THSD7B: variants seen among roughly 807,000 people sequenced by gnomAD.
THSD7B encodes thrombospondin type 1 domain containing 7B.
In THSD7B, 138 loss-of-function variants were observed where a neutral mutation model predicts 213.6. The observed-to-expected ratio is 0.65, with a 90% CI of 0.56 to 0.74. The LOEUF is 0.74. THSD7B is among the 30% of genes least tolerant of loss of function. THSD7B has a pLI of 0.00. For synonymous variants in THSD7B, 742 were observed against 687.0 expected, an observed-to-expected ratio of 1.08 and a Z score of -1.25; for missense variants, 1,931 against 1,991.5, an observed-to-expected ratio of 0.97 and a Z score of 0.58.
intron 2 of THSD7B, among the ~76,000 whole-genome samples, chr2:136,903,786 A>G (rs1684101425): frequency 6.6e-6 from 1 of 152,164 alleles, no homozygotes; most frequent in South Asian, 2.1e-4. Flanking sequence ...ACCAATTAGA[A>G]ATAAATAAGA....
chr2:137,634,088 C>A (rs1333989942), intron 20 of THSD7B, among the ~76,000 whole-genome samples: 1 of 152,016 alleles, frequency 6.6e-6, no homozygotes, highest in East Asian at 1.9e-4. Flanking sequence ...AGGGGGAAAA[C>A]CCTTGAAAGT....
chr2:137,173,865 A>G (rs1403331603), intron 7 of THSD7B, among the ~76,000 whole-genome samples: 3 of 152,184 alleles, frequency 2.0e-5, no homozygotes, highest in Non-Finnish European at 4.4e-5. Flanking sequence ...CCATAACTAC[A>G]GGAGTTGACA....
At chr2:137,667,711 T>C in intron 26 of THSD7B, 63 bp from the exon 27 acceptor site, 4 of 1,362,044 alleles carry the variant, frequency 2.9e-6, no homozygotes, top group Admixed American at 2.1e-5. Context: ...GATGTTGCCC[T>C]ATCTCTCAAA....
chr2:136,841,066 C>G (rs1024711890), intron 1 of THSD7B, among the ~76,000 whole-genome samples: 2 of 152,014 alleles, frequency 1.3e-5, no homozygotes, highest in African/African-American at 4.8e-5. Flanking sequence ...TTCATTACTC[C>G]TAGGCAATTC....
chr2:136,864,301 GA>G (rs895320761), intron 1 of THSD7B, among the ~76,000 whole-genome samples: 1 of 151,770 alleles, frequency 6.6e-6, no homozygotes, highest in Non-Finnish European at 1.5e-5. Context: ...TTTCTTTTTT[GA>G]AAAAAATCTG....
chr2:137,400,257 G>A (rs1686320711), intron 12 of THSD7B, among the ~76,000 whole-genome samples: 1 of 151,804 alleles, frequency 6.6e-6, no homozygotes, highest in Non-Finnish European at 1.5e-5. Context: ...TGCTGGTGGA[G>A]GATTACTATG....
intron 5 of THSD7B, among the ~76,000 whole-genome samples, chr2:137,151,080 T>A (rs1389924051): frequency 6.6e-6 from 1 of 152,130 alleles, no homozygotes; most frequent in African/African-American, 2.4e-5. Flanking sequence ...TACTGTAGAT[T>A]TTATAAACAC....
chr2:137,437,554 C>T (rs1347001596), intron 14 of THSD7B, among the ~76,000 whole-genome samples: 3 of 152,072 alleles, frequency 2.0e-5, no homozygotes, highest in African/African-American at 7.2e-5. Context: ...TTTCATGCAC[C>T]TTTAAAGCAA....
intron 6 of THSD7B, among the ~76,000 whole-genome samples, chr2:137,168,460 G>A (rs1179595306): frequency 1.3e-5 from 2 of 152,118 alleles, no homozygotes; most frequent in Non-Finnish European, 2.9e-5. Flanking sequence ...CAGGGTTTTT[G>A]TTTTATGCTG....
intron 2 of THSD7B, among the ~76,000 whole-genome samples, chr2:136,972,303 ATATAAT>A (rs1459169501): frequency 6.6e-6 from 1 of 152,186 alleles, no homozygotes; most frequent in Non-Finnish European, 1.5e-5. Flanking sequence ...AGATATTAAA[ATATAAT>A]TATATTATTT....
intron 17 of THSD7B, 28 bp downstream of exon 17, chr2:137,572,584 T>C: frequency 3.7e-6 from 6 of 1,612,268 alleles, no homozygotes; most frequent in Non-Finnish European, 5.1e-6. Context: ...GTCAATGCTC[T>C]GATAATCTAT....
At chr2:137,247,766 T>G (rs553920125) in intron 10 of THSD7B, among the ~76,000 whole-genome samples, 2 of 152,254 alleles carry the variant, frequency 1.3e-5, no homozygotes, top group Non-Finnish European at 2.9e-5. Context: ...GTTTTCAGTA[T>G]CAAAAACAGA....
At chr2:136,818,777 AT>A (rs964180133) in intron 1 of THSD7B, among the ~76,000 whole-genome samples, 4 of 151,196 alleles carry the variant, frequency 2.6e-5, no homozygotes, top group African/African-American at 7.3e-5. Flanking sequence ...CTCATTTCTA[AT>A]TTTTTTTTCA....
At chr2:137,529,639 CAG>C (rs1352094776) in intron 15 of THSD7B, among the ~76,000 whole-genome samples, 1 of 146,812 alleles carries the variant, frequency 6.8e-6, no homozygotes, top group Admixed American at 6.8e-5. Flanking sequence ...TACTTGTGTT[CAG>C]AGAGACCATA....
intron 3 of THSD7B, among the ~76,000 whole-genome samples, chr2:137,070,273 A>G (rs2104890487): frequency 6.6e-6 from 1 of 151,918 alleles, no homozygotes; most frequent in East Asian, 1.9e-4. Flanking sequence ...TAGTTATTCA[A>G]GGTCTTTTTC....
At chr2:137,621,921 T>A (rs1682526472) in intron 20 of THSD7B, among the ~76,000 whole-genome samples, 1 of 152,008 alleles carries the variant, frequency 6.6e-6, no homozygotes, top group Admixed American at 6.6e-5. Flanking sequence ...AGAGAAGGTG[T>A]TCGTAAAGAG....
At chr2:137,425,093 AATAATG>A (rs1434245850) in intron 14 of THSD7B, among the ~76,000 whole-genome samples, 6 of 103,704 alleles carry the variant, frequency 5.8e-5, no homozygotes, top group Non-Finnish European at 6.2e-5. Context: ...TAATAATAAT[AATAATG>A]ATAATAATAA....
chr2:137,072,550 T>C (rs1015508561), intron 3 of THSD7B, among the ~76,000 whole-genome samples: 8 of 152,198 alleles, frequency 5.3e-5, no homozygotes, highest in Admixed American at 2.0e-4. Context: ...CATCTGCAAA[T>C]AGGGACAATT....
chr2:137,374,235 A>G (rs1232921386), intron 12 of THSD7B, among the ~76,000 whole-genome samples: 2 of 152,176 alleles, frequency 1.3e-5, no homozygotes, highest in Non-Finnish European at 2.9e-5. Context: ...TTTTTAAAGC[A>G]CATCCTTTCT....
Sources: gnomAD v4.1 joint callset for allele counts (sites outside exome capture counted in the v4.1 genomes callset) on GRCh38, gnomAD v4.1.1 for gene constraint, MANE v1.5 for transcripts, NCBI Gene and HGNC (gene_info 2026-07-23, HGNC 2026-07-21) for gene names.